MAP2K5: variants seen among roughly 807,000 people sequenced by gnomAD.
The protein encoded by MAP2K5 is dual specificity mitogen-activated protein kinase kinase 5.
A neutral mutation model predicts 83.1 loss-of-function variants in MAP2K5; 49 were observed. The observed-to-expected ratio is 0.59, with a 90% confidence interval of 0.47 to 0.75. The LOEUF is 0.75. MAP2K5 is among the 30% of genes least tolerant of loss of function. The pLI, the probability that MAP2K5 is intolerant of heterozygous loss-of-function variation, is 0.00. For missense variants in MAP2K5, 457 were observed against 557.5 expected, an observed-to-expected ratio of 0.82 and a Z score of 1.82; for synonymous variants, 202 against 191.8, an observed-to-expected ratio of 1.05 and a Z score of -0.44.
At chr15:67,788,690 A>G (rs895644349) in intron 21 of MAP2K5, among the ~76,000 whole-genome samples, 2 of 152,156 alleles carry the variant, frequency 1.3e-5, no homozygotes, top group Non-Finnish European at 2.9e-5. Flanking sequence ...TATGATTAAA[A>G]ATTTGGCCAG....
At chr15:67,629,445 A>G (rs1351557314) in intron 8 of MAP2K5, among the ~76,000 whole-genome samples, 4 of 151,890 alleles carry the variant, frequency 2.6e-5, no homozygotes, top group South Asian at 2.1e-4. Flanking sequence ...TAGTCTGATC[A>G]TGATGCTGAA....
In MAP2K5 at chr15:67,703,426, AG is replaced by A; in HGVS notation, c.1044+19del. 1 of 1,598,982 alleles carries A rather than the reference AG, an allele frequency of 6.3e-7. No homozygotes were observed. Among genetic ancestry groups the A allele is most frequent in the Non-Finnish European group, 8.6e-7 (1 of 1,167,078 alleles). On this transcript the variant is annotated intron_variant, in intron 16 of 21. Transcript: ENST00000178640. Reference sequence around the variant, plus strand: ...TTATGGAGGTACGTTGTTTGCACATAGACGCTTCTGTGCATATCTGTACTAA... The same window carrying A: ...TTATGGAGGTACGTTGTTTGCACATAACGCTTCTGTGCATATCTGTACTAA...
At chr15:67,610,262 C>T (rs994577741) in intron 8 of MAP2K5, among the ~76,000 whole-genome samples, 6 of 152,152 alleles carry the variant, frequency 3.9e-5, no homozygotes, top group East Asian at 1.9e-4. Flanking sequence ...GATGTTAAAA[C>T]GTCCACTTCT....
At position 67,698,778 on chromosome 15, in the gene MAP2K5, G is replaced by T. The variant is rs895674708; in HGVS notation, c.973-4559G>T. Reference sequence around the variant, plus strand: ...ACTCGGAATAAAACACATACACATTGCATGATCCAACTCAATTGGCTATGC... The same window carrying T: ...ACTCGGAATAAAACACATACACATTTCATGATCCAACTCAATTGGCTATGC... On this transcript the variant is annotated intron_variant, in intron 15 of 21. Transcript: ENST00000178640. The surrounding 1 kb of genome is among the most constrained non-coding windows in gnomAD (Gnocchi z 4.5). Among the ~76,000 whole-genome samples, 2 of 152,074 alleles carry T rather than the reference G, an allele frequency of 1.3e-5. No homozygotes were observed. The highest frequency in any genetic ancestry group is 4.8e-5 in the African/African-American group (2 of 41,398).
At chr15:67,703,692 A>G (rs1210318355) in intron 16 of MAP2K5, among the ~76,000 whole-genome samples, 1 of 151,948 alleles carries the variant, frequency 6.6e-6, no homozygotes, top group Non-Finnish European at 1.5e-5. Context: ...TTAAATCCAC[A>G]CCTCTAAGAA....
intron 3 of MAP2K5, 23 bp from the exon 4 acceptor site, chr15:67,580,731 C>G: frequency 6.9e-7 from 1 of 1,450,322 alleles, no homozygotes; most frequent in Non-Finnish European, 9.7e-7. Context: ...ACTGAGTGAT[C>G]TCTTTCTATA....
chr15:67,692,082 G>T (rs538292657), intron 13 of MAP2K5, among the ~76,000 whole-genome samples: 1 of 152,280 alleles, frequency 6.6e-6, no homozygotes, highest in Non-Finnish European at 1.5e-5. Context: ...AGGAGGACTA[G>T]CTTGATAATT....
intron 16 of MAP2K5, among the ~76,000 whole-genome samples, chr15:67,710,417 T>C (rs2088661676): frequency 6.6e-6 from 1 of 151,618 alleles, no homozygotes; most frequent in Non-Finnish European, 1.5e-5. Context: ...TAGAAAAATG[T>C]CTCAACATAG....
At chr15:67,684,569 G>A (rs1397071101) in intron 13 of MAP2K5, among the ~76,000 whole-genome samples, 2 of 152,030 alleles carry the variant, frequency 1.3e-5, no homozygotes, top group African/African-American at 2.4e-5. Flanking sequence ...GACAAGCAAA[G>A]AATTTTTCTT....
rs115607099 is a variant in MAP2K5 at position 67,762,867 on chromosome 15, A to G, written c.1135-6735A>G. On this transcript the variant is annotated intron_variant, in intron 19 of 21. Coordinates refer to ENST00000178640, the MANE Select transcript of MAP2K5 (RefSeq NM_145160.3). ...GGGTAGGATGGGCCTTTCAGTGGCA[A>G]AAATTCAGGCCTTTACCCCGTGGTT... Among the ~76,000 whole-genome samples the G allele has an allele frequency of 2.8e-3, 431 of 152,288 alleles. 2 individuals are homozygous for G. Among genetic ancestry groups the G allele is most frequent in the African/African-American group, 0.01 (419 of 41,562 alleles).
intron 7 of MAP2K5, among the ~76,000 whole-genome samples, chr15:67,598,062 G>A (rs890759497): frequency 6.6e-6 from 1 of 151,918 alleles, no homozygotes; most frequent in African/African-American, 2.4e-5. Context: ...AAAATTAGCC[G>A]GGCATGGTGG....
chr15:67,726,806 A>G (rs1317511573), intron 16 of MAP2K5, among the ~76,000 whole-genome samples: 2 of 152,244 alleles, frequency 1.3e-5, no homozygotes, highest in Non-Finnish European at 2.9e-5. Context: ...GTAATTACAA[A>G]TACATGTAAA....
Position 67,630,655 on chromosome 15 carries a change from G to C in MAP2K5, c.546-233G>C, listed in dbSNP as rs59195439. 3.2e-3 allele frequency among the ~76,000 whole-genome samples: 484 copies of C among 152,242 alleles called. 3 individuals are homozygous for C. The highest frequency in any genetic ancestry group is 0.011 in the African/African-American group (476 of 41,556). On this transcript the variant is annotated intron_variant, in intron 8 of 21. Transcript: ENST00000178640. ...TTCAGAATTCTCATCTATAAAAGGA[G>C]GATAATAATGTATCAGTATTACCTC...
chr15:67,747,651 A>G lies in MAP2K5; in HGVS notation c.1075-580A>G, dbSNP rs977361868. Among the ~76,000 whole-genome samples, 1 of 152,198 alleles carries G rather than the reference A, an allele frequency of 6.6e-6. No individual in the cohort carries two copies. Among genetic ancestry groups the G allele is most frequent in the Admixed American group, 6.5e-5 (1 of 15,284 alleles). ...AAACTTCCATGAATTTGATTTTCCC[A>G]GAGAGCATTGCTGCCCTGGAAACAG... On this transcript the variant is annotated intron_variant, in intron 17 of 21. Coordinates refer to ENST00000178640, the MANE Select transcript of MAP2K5 (RefSeq NM_145160.3). The surrounding 1 kb of genome is among the most constrained non-coding windows in gnomAD (Gnocchi z 4.1).
At position 67,779,146 on chromosome 15, in the gene MAP2K5, A is replaced by C. The variant is rs549698791; in HGVS notation, c.1242+6394A>C. On this transcript the variant is annotated intron_variant, in intron 21 of 21. Transcript: ENST00000178640. This position sits in a 1 kb window ranked among gnomAD's most constrained non-coding sequence, Gnocchi z 4.6. ...ATTGTAACTTCAGCTGAGTATTTCC[A>C]TCATGCACAAAAGTCATCACAACAG... Among the ~76,000 whole-genome samples, 1 of 152,250 alleles carries C rather than the reference A, an allele frequency of 6.6e-6. No individual in the cohort carries two copies. Among genetic ancestry groups the C allele is most frequent in the Admixed American group, 6.5e-5 (1 of 15,290 alleles).
intron 8 of MAP2K5, chr15:67,628,470 A>G (rs2086379659): frequency 5.0e-6 from 3 of 599,834 alleles, no homozygotes; most frequent in Non-Finnish European, 8.7e-6. Flanking sequence ...ACAGAGCGAG[A>G]CTCCATCTAA....
chr15:67,652,826 A>G lies in MAP2K5; in HGVS notation c.737-5727A>G, dbSNP rs761188230. 6.6e-6 allele frequency among the ~76,000 whole-genome samples: 1 copy of G among 152,170 alleles called. No homozygotes were observed. Among genetic ancestry groups the G allele is most frequent in the Non-Finnish European group, 1.5e-5 (1 of 68,032 alleles). On this transcript the variant is annotated intron_variant, in intron 11 of 21. Transcript: ENST00000178640. The surrounding 1 kb of genome is among the most constrained non-coding windows in gnomAD (Gnocchi z 4.2). ...CCGCTCCCAGCCCCTGGCAAACAGC[A>G]TTATACTCTGTCTCTATGTGACTAC...
intron 15 of MAP2K5, among the ~76,000 whole-genome samples, chr15:67,696,221 A>T (rs888478263): frequency 6.6e-6 from 1 of 150,998 alleles, no homozygotes; most frequent in Admixed American, 6.6e-5. Flanking sequence ...CCAAATATCC[A>T]TGAACTACAG....
rs974876964 is a variant in MAP2K5, at chr15:67,543,773, AG to A, written c.135+305del. The stretch of plus-strand genomic sequence containing the variant: ...ATGCAAACTGCTGAATCTAGAAGAG[AG>A]GTTTTTTCCCCCCAAGTGTTTCGGG... On this transcript the variant is annotated intron_variant, in intron 1 of 21. Coordinates refer to ENST00000178640, the MANE Select transcript of MAP2K5 (RefSeq NM_145160.3). This position sits in a 1 kb window ranked among gnomAD's most constrained non-coding sequence, Gnocchi z 4.3. Among the ~76,000 whole-genome samples the A allele has an allele frequency of 1.3e-5, 2 of 152,140 alleles. No individual in the cohort carries two copies. Among genetic ancestry groups the A allele is most frequent in the Non-Finnish European group, 2.9e-5 (2 of 68,024 alleles).
Sources: allele counts gnomAD v4.1 joint callset (sites outside exome capture counted in the v4.1 genomes callset), GRCh38; gene constraint gnomAD v4.1.1; non-coding constraint Gnocchi (gnomAD v3.1); transcripts MANE v1.5; gene names NCBI Gene and HGNC (gene_info 2026-07-23, HGNC 2026-07-21).